The following CA10 variants were observed in gnomAD, a reference collection of about 807,000 sequenced individuals.
The protein encoded by CA10 is carbonic anhydrase 10 (inactive).
Under a neutral mutation model 44.2 loss-of-function variants are expected in CA10, and 14 were observed. The observed-to-expected ratio is 0.32, with a 90% CI of 0.21 to 0.50. The LOEUF (loss-of-function observed/expected upper bound fraction) is 0.50. Ranked by LOEUF, CA10 falls within the 20% of genes least tolerant of loss-of-function variation. CA10 has a pLI of 0.99. For synonymous variants in CA10, 159 were observed against 141.6 expected (o/e 1.12, Z -0.87); for missense variants, 350 against 409.7 (o/e 0.85, Z 1.26).
chr17:51,761,149 G>A (rs1905207199), intron 3 of CA10: 1 of 152,068 alleles, frequency 6.6e-6, no homozygotes, highest in Non-Finnish European at 1.5e-5. Flanking sequence ...GCTCTGAGGA[G>A]GCTTAAACAC....
chr17:51,804,147 A>T (rs1907041249), intron 3 of CA10, among the ~76,000 whole-genome samples: 1 of 152,248 alleles, frequency 6.6e-6, no homozygotes, highest in African/African-American at 2.4e-5. Context: ...CCTATCTATG[A>T]TGATTTTTAA....
At chr17:51,717,731 A>G (rs372705212) in intron 4 of CA10, among the ~76,000 whole-genome samples, 652 of 31,358 alleles carry the variant, frequency 0.021, 70 homozygotes, top group African/African-American at 0.028. Flanking sequence ...ATATATACAT[A>G]TATACGTATA....
intron 1 of CA10, among the ~76,000 whole-genome samples, chr17:52,147,039 G>T (rs1230343172): frequency 2.0e-5 from 3 of 152,202 alleles, no homozygotes; most frequent in African/African-American, 7.2e-5. Flanking sequence ...CACTGAGATT[G>T]TGGGGTGTAT....
chr17:51,985,649 T>A (rs1169690529), intron 2 of CA10, among the ~76,000 whole-genome samples: 1 of 151,602 alleles, frequency 6.6e-6, no homozygotes, highest in African/African-American at 2.4e-5. Flanking sequence ...ACTGACAAAT[T>A]CAGCAAATTT....
At chr17:51,987,904 A>C (rs1470724037) in intron 2 of CA10, among the ~76,000 whole-genome samples, 2 of 152,108 alleles carry the variant, frequency 1.3e-5, no homozygotes, top group Non-Finnish European at 2.9e-5. Flanking sequence ...TATAGGTCAG[A>C]AACTCAGGTC....
chr17:51,686,040 C>T (rs1041946360), intron 4 of CA10, among the ~76,000 whole-genome samples: 2 of 146,560 alleles, frequency 1.4e-5, no homozygotes, highest in Non-Finnish European at 3.0e-5. Context: ...TAATAATCCC[C>T]ATGGGTCAAG....
intron 2 of CA10, among the ~76,000 whole-genome samples, chr17:52,001,405 T>G (rs369392293): frequency 6.6e-6 from 1 of 151,976 alleles, no homozygotes; most frequent in African/African-American, 2.4e-5. Context: ...AGAGCTCAAC[T>G]TAGAGATCTT....
At chr17:52,007,478 A>G (rs908153931) in intron 2 of CA10, among the ~76,000 whole-genome samples, 10 of 151,520 alleles carry the variant, frequency 6.6e-5, no homozygotes, top group Admixed American at 5.9e-4. Context: ...TCCTACTTCT[A>G]TTGAAGTGAT....
intron 4 of CA10, among the ~76,000 whole-genome samples, chr17:51,679,264 C>CT (rs374164339): frequency 0.3 from 40,619 of 136,184 alleles, 6,764 homozygotes; most frequent in African/African-American, 0.45. Context: ...TTTTCTTTCT[C>CT]TTTTTTTTTT....
At chr17:52,106,434 C>G (rs1988664269) in intron 1 of CA10, among the ~76,000 whole-genome samples, 1 of 152,170 alleles carries the variant, frequency 6.6e-6, no homozygotes, top group Admixed American at 6.5e-5. Context: ...GAGTTAAGAG[C>G]TACTCCCCAT....
At chr17:51,731,867 G>T (rs578159755) in intron 4 of CA10, among the ~76,000 whole-genome samples, 1 of 151,996 alleles carries the variant, frequency 6.6e-6, no homozygotes, top group East Asian at 1.9e-4. Flanking sequence ...TAGAGACAGG[G>T]TTTCAACATG....
At chr17:51,897,075 T>G (rs924465114) in intron 3 of CA10, among the ~76,000 whole-genome samples, 6 of 152,192 alleles carry the variant, frequency 3.9e-5, no homozygotes, top group Non-Finnish European at 5.9e-5. Flanking sequence ...TTTAGTTTAA[T>G]TATATCTGAC....
chr17:51,640,369 C>A (rs1339921871), intron 6 of CA10, among the ~76,000 whole-genome samples: 2 of 152,134 alleles, frequency 1.3e-5, no homozygotes, highest in Admixed American at 6.5e-5. Flanking sequence ...CCTACCATCT[C>A]CCCCCTATGT....
intron 2 of CA10, among the ~76,000 whole-genome samples, chr17:52,026,284 C>T (rs1015880075): frequency 3.3e-5 from 5 of 152,258 alleles, no homozygotes; most frequent in Non-Finnish European, 4.4e-5. Context: ...AGTAAAATTA[C>T]GTAAGCCTCA....
At chr17:52,105,318 A>T (rs1988635715) in intron 1 of CA10, among the ~76,000 whole-genome samples, 1 of 151,716 alleles carries the variant, frequency 6.6e-6, no homozygotes, top group South Asian at 2.1e-4. Context: ...GCAGTGGCAC[A>T]ATCTCGGCTC....
chr17:51,942,018 A>G (rs1983096142), intron 2 of CA10, among the ~76,000 whole-genome samples: 2 of 152,150 alleles, frequency 1.3e-5, no homozygotes, highest in Non-Finnish European at 2.9e-5. Context: ...GGTACAGTAG[A>G]ATTGCAAACC....
At position 51,630,636 on chromosome 17, in the gene CA10, C is replaced by A. The variant is rs1048677859; in HGVS notation, c.*948G>T. 2.0e-5 allele frequency: 3 copies of A among 152,526 alleles called. No individual in the cohort carries two copies. Among genetic ancestry groups the A allele is most frequent in the African/African-American group, 7.2e-5 (3 of 41,404 alleles). The allele number at this position is 152,526 out of a possible 1,614,324, so 9.4% of individuals were successfully genotyped here. ...GCTTAGCAAATGCATTCCTGATTGC[C>A]ACAAACTCAGTAAAAACTGGCTGCA... On this transcript the variant is annotated 3_prime_UTR_variant, in exon 9 of 9. Transcript: ENST00000451037.
chr17:51,681,544 C>T (rs971273388), intron 4 of CA10, among the ~76,000 whole-genome samples: 1 of 152,130 alleles, frequency 6.6e-6, no homozygotes, highest in South Asian at 2.1e-4. Flanking sequence ...CTGGCCTCTA[C>T]CCACTAGAGA....
chr17:52,040,093 G>A (rs899370056), intron 2 of CA10, among the ~76,000 whole-genome samples: 6 of 151,242 alleles, frequency 4.0e-5, no homozygotes, highest in African/African-American at 1.2e-4. Context: ...TAGCTGGGAA[G>A]TAACAAATAT....
Sources: gnomAD v4.1 joint callset for allele counts (sites outside exome capture counted in the v4.1 genomes callset) on GRCh38, gnomAD v4.1.1 for gene constraint, MANE v1.5 for transcripts, NCBI Gene and HGNC (gene_info 2026-07-23, HGNC 2026-07-21) for gene names.